CPNE8: variants seen among roughly 807,000 people sequenced by gnomAD.
CPNE8 encodes copine 8.
CPNE8 carries 45 observed loss-of-function variants against 81.5 expected under a neutral mutation model. That is an observed-to-expected ratio of 0.55 (90% CI 0.44 to 0.71). The LOEUF is 0.71. Ranked by LOEUF, CPNE8 falls within the 30% of genes least tolerant of loss-of-function variation. The pLI is 0.00. For missense variants in CPNE8, 594 were observed against 672.1 expected (o/e 0.88, Z 1.28); for synonymous variants, 252 against 226.3 (o/e 1.11, Z -1.02).
At chr12:38,762,248 G>T in intron 8 of CPNE8, 32 bp from the exon 9 acceptor site, 1 of 1,265,478 alleles carries the variant, frequency 7.9e-7, no homozygotes, top group Non-Finnish European at 1.1e-6. Context: ...TTATTTGCAT[G>T]CTTTGACTAT....
At chr12:38,780,742 T>G (rs992598100) in intron 6 of CPNE8, among the ~76,000 whole-genome samples, 9 of 152,038 alleles carry the variant, frequency 5.9e-5, no homozygotes, top group African/African-American at 1.9e-4. Flanking sequence ...AATATAAGAT[T>G]GTAAACAGTA....
chr12:38,662,662 A>G (rs901546276), intron 19 of CPNE8, among the ~76,000 whole-genome samples: 8 of 152,174 alleles, frequency 5.3e-5, no homozygotes, highest in African/African-American at 1.9e-4. Context: ...TTGGAGCCAC[A>G]TAAGACTCCA....
chr12:38,730,669 A>G (rs891888729), intron 10 of CPNE8, among the ~76,000 whole-genome samples: 3 of 151,670 alleles, frequency 2.0e-5, no homozygotes, highest in Non-Finnish European at 4.4e-5. Context: ...TATTATTCAA[A>G]TGATTAATTA....
At chr12:38,841,521 A>G (rs1042248979) in intron 4 of CPNE8, among the ~76,000 whole-genome samples, 1 of 152,186 alleles carries the variant, frequency 6.6e-6, no homozygotes, top group Non-Finnish European at 1.5e-5. Flanking sequence ...CCTGAATGTT[A>G]GCTGCCAGTA....
intron 10 of CPNE8, among the ~76,000 whole-genome samples, chr12:38,748,060 G>A (rs974208994): frequency 6.6e-6 from 1 of 152,024 alleles, no homozygotes; most frequent in African/African-American, 2.4e-5. Flanking sequence ...GCTCAGGCTG[G>A]AGTGCAATGG....
intron 6 of CPNE8, among the ~76,000 whole-genome samples, chr12:38,790,274 T>G (rs1942291849): frequency 6.6e-6 from 1 of 151,732 alleles, no homozygotes; most frequent in Admixed American, 6.6e-5. Flanking sequence ...AAAAATGAGA[T>G]CCTGCCATTT....
intron 4 of CPNE8, 144 bp downstream of exon 4, chr12:38,848,415 G>A (rs1943590347): frequency 7.6e-7 from 1 of 1,320,954 alleles, no homozygotes; most frequent in East Asian, 3.0e-5. Context: ...CAGGGGGCTT[G>A]CTTGGGCCAC....
At chr12:38,893,800 A>G (rs531628559) in intron 1 of CPNE8, among the ~76,000 whole-genome samples, 1 of 152,332 alleles carries the variant, frequency 6.6e-6, no homozygotes, top group East Asian at 1.9e-4. Flanking sequence ...CTTTTACTCT[A>G]TATCTGCAAT....
At chr12:38,778,330 C>T (rs901168991) in intron 6 of CPNE8, among the ~76,000 whole-genome samples, 7 of 152,046 alleles carry the variant, frequency 4.6e-5, no homozygotes, top group Admixed American at 2.0e-4. Context: ...AAGCATGTCT[C>T]GGGACATATC....
At chr12:38,729,758 T>C (rs573973909) in intron 11 of CPNE8, among the ~76,000 whole-genome samples, 1 of 152,152 alleles carries the variant, frequency 6.6e-6, no homozygotes, top group South Asian at 2.1e-4. Context: ...TCAATACATA[T>C]TTGGTGATTA....
intron 10 of CPNE8, among the ~76,000 whole-genome samples, chr12:38,752,903 C>T (rs1254319876): frequency 6.6e-6 from 1 of 151,920 alleles, no homozygotes; most frequent in Non-Finnish European, 1.5e-5. Context: ...TGAACATTAT[C>T]GGTATTTAGA....
At chr12:38,817,212 T>C (rs1191064886) in intron 6 of CPNE8, among the ~76,000 whole-genome samples, 1 of 152,176 alleles carries the variant, frequency 6.6e-6, no homozygotes, top group East Asian at 1.9e-4. Flanking sequence ...ATGACAACAC[T>C]GTGAAGTTTT....
At chr12:38,803,057 C>G (rs1206911188) in intron 6 of CPNE8, among the ~76,000 whole-genome samples, 1 of 59,312 alleles carries the variant, frequency 1.7e-5, no homozygotes, top group South Asian at 7.2e-4. Flanking sequence ...GATGGATTCA[C>G]AGCCGAATTC....
intron 10 of CPNE8, among the ~76,000 whole-genome samples, chr12:38,748,751 A>G (rs1941292768): frequency 1.3e-5 from 2 of 152,070 alleles, no homozygotes; most frequent in Non-Finnish European, 2.9e-5. Context: ...GATCCACCAT[A>G]ACAGTATTTT....
chr12:38,820,601 G>A (rs1468321712), intron 6 of CPNE8, among the ~76,000 whole-genome samples: 1 of 152,026 alleles, frequency 6.6e-6, no homozygotes, highest in East Asian at 1.9e-4. Flanking sequence ...GAGAATGTTC[G>A]CTGAATCTAT....
chr12:38,749,451 G>A (rs1467327510), intron 10 of CPNE8, among the ~76,000 whole-genome samples: 1 of 152,218 alleles, frequency 6.6e-6, no homozygotes, highest in African/African-American at 2.4e-5. Context: ...GTGACAGGCA[G>A]AGGCTGGAAC....
In CPNE8 at chr12:38,710,268, CAA is replaced by C. The variant is rs57376063; in HGVS notation, c.915-7349_915-7348del. 5.9e-3 allele frequency among the ~76,000 whole-genome samples: 295 copies of C among 50,294 alleles called. 8 individuals are homozygous for C. Among genetic ancestry groups the C allele is most frequent in the Non-Finnish European group, 8.3e-3 (215 of 26,042 alleles). The allele number at this position is 50,294 out of a possible 152,430, so 33.0% of individuals were successfully genotyped here. ...ATGTGACATAATCAAAATAAGCTAA[CAA>C]AAAAAAAAAAAAAAAAAACCAACCC... On this transcript the variant is annotated intron_variant, in intron 13 of 19. Transcript: ENST00000331366.
intron 6 of CPNE8, among the ~76,000 whole-genome samples, chr12:38,779,343 G>A (rs1226119627): frequency 6.6e-6 from 1 of 152,076 alleles, no homozygotes; most frequent in African/African-American, 2.4e-5. Context: ...AAAATCAAGA[G>A]GAGGTGGGAC....
At chr12:38,700,215 C>T (rs1334785194) in intron 14 of CPNE8, among the ~76,000 whole-genome samples, 5 of 150,650 alleles carry the variant, frequency 3.3e-5, no homozygotes, top group South Asian at 2.1e-4. Context: ...CATAGATTCC[C>T]TCATCAGATT....
Sources: gnomAD v4.1 joint callset for allele counts (sites outside exome capture counted in the v4.1 genomes callset) on GRCh38, gnomAD v4.1.1 for gene constraint, MANE v1.5 for transcripts, NCBI Gene and HGNC (gene_info 2026-07-23, HGNC 2026-07-21) for gene names.